Variants in JADE1 observed in about 807,000 individuals in gnomAD.
JADE1 encodes jade family PHD finger 1, also known as protein Jade-1.
In JADE1, 14 loss-of-function variants were observed where a neutral mutation model predicts 81.8. The ratio of observed to expected loss-of-function variants is 0.17; its 90% CI spans 0.11 to 0.27. JADE1 has a LOEUF of 0.27. JADE1 is among the 10% of genes least tolerant of loss of function. The pLI is 1.00. For missense variants in JADE1, 690 were observed against 1,047.9 expected (o/e 0.66, Z 4.71); for synonymous variants, 353 against 391.9 (o/e 0.90, Z 1.17).
intron 1 of JADE1, chr4:128,827,905 G>A: frequency 3.0e-6 from 3 of 985,002 alleles, no homozygotes; most frequent in Non-Finnish European, 3.6e-6. Context: ...TTACACATAT[G>A]TTGGTAAGTA....
chr4:128,832,580 G>A (rs1728643278), intron 2 of JADE1, among the ~76,000 whole-genome samples: 1 of 152,194 alleles, frequency 6.6e-6, no homozygotes, highest in Non-Finnish European at 1.5e-5. Flanking sequence ...TGCTTTCAAG[G>A]AACTCTGCTT....
intron 2 of JADE1, among the ~76,000 whole-genome samples, chr4:128,834,971 A>G (rs115528923): frequency 0.014 from 2,094 of 151,350 alleles, 48 homozygotes; most frequent in African/African-American, 0.048. Context: ...CAAAGCGAGA[A>G]CCCATCTCTA....
chr4:128,867,904 T>G lies in JADE1; in HGVS notation c.1552T>G (p.Ser518Ala). 6.2e-7 allele frequency: 1 copy of G among 1,613,998 alleles called. No individual in the cohort carries two copies. Among genetic ancestry groups the G allele is most frequent in the South Asian group, 1.1e-5 (1 of 91,070 alleles). ...MVTRREKIKRSVCKVQEQIFN... is the reference protein window; with the variant it reads ...MVTRREKIKRAVCKVQEQIFN... ...GACCCGCAGGGAAAAGATTAAACGGTCTGTGTGCAAAGTCCAGGAACAGAT... is the reference window on the plus strand; with the variant it reads ...GACCCGCAGGGAAAAGATTAAACGGGCTGTGTGCAAAGTCCAGGAACAGAT... The change falls in exon 10 of 11, where the codon TCT (serine) becomes GCT (alanine). Residue 518 changes from serine to alanine, a missense_variant. By Grantham distance (99) the Ser-to-Ala change is moderately conservative (BLOSUM62 1). This residue lies in a region of JADE1 where 86 missense variants were observed against 95.4 expected (regional missense o/e 0.90). Transcript: ENST00000226319.
At chr4:128,851,402 G>A (rs557834457) in intron 5 of JADE1, among the ~76,000 whole-genome samples, 7 of 152,266 alleles carry the variant, frequency 4.6e-5, no homozygotes, top group African/African-American at 1.7e-4. Flanking sequence ...TGAAGTCATG[G>A]TTTTGAAGTC....
intron 2 of JADE1, among the ~76,000 whole-genome samples, 166 bp from the exon 3 acceptor site, chr4:128,842,787 C>G (rs139302537): frequency 1.2e-4 from 18 of 152,256 alleles, no homozygotes; most frequent in African/African-American, 3.8e-4. Context: ...AGTTAAATAA[C>G]TGATGGACGT....
chr4:128,859,082 T>C (rs1161755680), intron 8 of JADE1, among the ~76,000 whole-genome samples: 1 of 152,074 alleles, frequency 6.6e-6, no homozygotes, highest in Non-Finnish European at 1.5e-5. Context: ...TGTGAATACA[T>C]GACAAACGCC....
chr4:128,861,844 C>G lies in JADE1; in HGVS notation c.1122C>G (p.Pro374=), dbSNP rs370503362. ...YCPKHSSHRK[P]EESLGKGAAQ... ...CAAAGCACAGCTCACATAGGAAACC[C>G]GAGGAGAGTCTTGGCAAGGGGGCTG... The change falls in exon 9 of 11, where the codon CCC becomes CCG. Residue 374 remains proline, a synonymous_variant. Transcript: ENST00000226319. 6.2e-7 allele frequency: 1 copy of G among 1,614,150 alleles called. No homozygotes were observed. The highest frequency in any genetic ancestry group is 8.5e-7 in the Non-Finnish European group (1 of 1,180,022).
At chr4:128,863,293 C>T (rs987977374) in intron 9 of JADE1, 12 of 985,444 alleles carry the variant, frequency 1.2e-5, no homozygotes, top group Non-Finnish European at 1.4e-5. Flanking sequence ...GCATCTTCCA[C>T]ATCAACTCCC....
chr4:128,859,573 GTGTA>G (rs1354434069), intron 8 of JADE1, among the ~76,000 whole-genome samples: 3 of 151,974 alleles, frequency 2.0e-5, no homozygotes, highest in East Asian at 1.9e-4. Flanking sequence ...GTGAGTATGC[GTGTA>G]TGTGTGAGTG....
chr4:128,830,245 G>T (rs1486033188), intron 1 of JADE1, among the ~76,000 whole-genome samples: 1 of 149,038 alleles, frequency 6.7e-6, no homozygotes, highest in African/African-American at 2.5e-5. Flanking sequence ...GTATGTGTGT[G>T]TGTGTATGTT....
rs952407274 is a variant in JADE1 at position 128,819,287 on chromosome 4, TG to T, written c.-27+9416del. On this transcript the variant is annotated intron_variant, in intron 1 of 10. Transcript: ENST00000226319. Reference sequence around the variant, plus strand: ...TGGAGTGCAATGGTGGTTTTTTTTTTGGGGGGCAGGCTCTCTCTGCTGCTCA... The same window carrying T: ...TGGAGTGCAATGGTGGTTTTTTTTTTGGGGGCAGGCTCTCTCTGCTGCTCA... Among the ~76,000 whole-genome samples, 17 of 151,562 alleles carry T rather than the reference TG, an allele frequency of 1.1e-4. No individual in the cohort carries two copies. In the South Asian group the frequency reaches 2.1e-3, roughly 19 times the overall value.
intron 2 of JADE1, among the ~76,000 whole-genome samples, chr4:128,833,227 C>T (rs1010025074): frequency 1.3e-5 from 2 of 152,242 alleles, no homozygotes; most frequent in East Asian, 1.9e-4. Flanking sequence ...CTTGTTGTTT[C>T]ATAACCCTGC....
At chr4:128,849,522 C>T (rs1477453280) in intron 5 of JADE1, among the ~76,000 whole-genome samples, 1 of 152,198 alleles carries the variant, frequency 6.6e-6, no homozygotes, top group Non-Finnish European at 1.5e-5. Flanking sequence ...TCCTGTGATG[C>T]CATTCGGATT....
intron 1 of JADE1, among the ~76,000 whole-genome samples, chr4:128,821,485 G>A (rs1391837500): frequency 7.2e-6 from 1 of 138,870 alleles, no homozygotes; most frequent in Admixed American, 8.1e-5. Flanking sequence ...GAGTTGAAAT[G>A]GCTTCTTCTT....
intron 2 of JADE1, among the ~76,000 whole-genome samples, chr4:128,832,955 G>A (rs1728676086): frequency 6.6e-6 from 1 of 152,170 alleles, no homozygotes; most frequent in African/African-American, 2.4e-5. Context: ...GGCTTTTGGG[G>A]AGGAGAATTG....
chr4:128,837,886 A>C (rs559662646), intron 2 of JADE1, among the ~76,000 whole-genome samples: 1 of 152,348 alleles, frequency 6.6e-6, no homozygotes, highest in South Asian at 2.1e-4. Flanking sequence ...TTTGTGGTGC[A>C]GCAAACACGA....
chr4:128,816,812 A>C (rs1212757844), intron 1 of JADE1, among the ~76,000 whole-genome samples: 1 of 152,154 alleles, frequency 6.6e-6, no homozygotes, highest in Non-Finnish European at 1.5e-5. Flanking sequence ...GCAGTTGAAG[A>C]AAGTTAATTT....
chr4:128,842,897 CACT>C, intron 2 of JADE1, 53 bp from the exon 3 acceptor site: 1 of 1,494,638 alleles, frequency 6.7e-7, no homozygotes. Flanking sequence ...CCCCTGAGAA[CACT>C]CAGTGACCCC....
intron 1 of JADE1, among the ~76,000 whole-genome samples, chr4:128,815,843 A>G (rs1726980973): frequency 1.3e-5 from 2 of 152,188 alleles, no homozygotes; most frequent in South Asian, 4.1e-4. Context: ...AGGTTTATAA[A>G]ACAGTTATAG....
Sources: gnomAD v4.1 joint callset for allele counts (sites outside exome capture counted in the v4.1 genomes callset) on GRCh38, gnomAD v4.1.1 for gene constraint, gnomAD v4.1.1 regional missense constraint, MANE v1.5 for transcripts, NCBI Gene and HGNC (gene_info 2026-07-23, HGNC 2026-07-21) for gene names.